TACC2: variants seen among roughly 807,000 people sequenced by gnomAD.
The protein encoded by TACC2 is transforming acidic coiled-coil-containing protein 2.
In TACC2, 137 loss-of-function variants were observed where a neutral mutation model predicts 227.3. That is an observed-to-expected ratio of 0.60 (90% CI 0.52 to 0.69). The LOEUF (loss-of-function observed/expected upper bound fraction) is 0.69, where lower values mean the gene tolerates loss of function less well. Among genes scored for constraint, TACC2 ranks in the 30% least tolerant of loss-of-function variants. The pLI is 0.00. For missense variants in TACC2, 3,470 were observed against 3,694.4 expected, an observed-to-expected ratio of 0.94 and a Z score of 1.57; for synonymous variants, 1,523 against 1,487.5, an observed-to-expected ratio of 1.02 and a Z score of -0.55.
rs555876319 is a variant in TACC2, at chr10:122,233,798, A to G, written c.8127+3358A>G. Among the ~76,000 whole-genome samples, 18 of 152,146 alleles carry G rather than the reference A, an allele frequency of 1.2e-4. No individual in the cohort carries two copies. The South Asian group carries it at 3.8e-3, about 32-fold the overall frequency. The stretch of plus-strand genomic sequence containing the variant: ...GAGGCTGTGTCTTGACTCGGTGGGC[A>G]GGAGCGGCTGGCTGTTGCCAGTGGT... On this transcript the variant is annotated intron_variant, in intron 16 of 22. Transcript: ENST00000369005.
rs147458352 is a variant in TACC2 at position 122,082,849 on chromosome 10, C to G, written c.349C>G (p.Pro117Ala). Residue 117 changes from proline (P) to alanine (A), a missense_variant, in exon 4 of 23, where the codon CCC (proline) becomes GCC (alanine). By Grantham distance (27) the Pro-to-Ala change is conservative. Around this residue, in one of 10 missense-constraint regions of TACC2, gnomAD observed 405 missense variants for 389.6 expected, o/e 1.04. Transcript: ENST00000369005. ...GTCCTCCATGCCCTTTGCCGAGTGTCCCCCGGAAGGTTGCTTGGCAAGTCC... is the reference window on the plus strand; with the variant it reads ...GTCCTCCATGCCCTTTGCCGAGTGTGCCCCGGAAGGTTGCTTGGCAAGTCC... The part of the protein sequence containing the change: ...PSSSMPFAEC[P>A]PEGCLASPAA... 1.5e-5 allele frequency: 24 copies of G among 1,613,430 alleles called. No homozygotes were observed. The African/African-American group carries it at 2.5e-4, about 17-fold the overall frequency.
At chr10:122,019,595 A>T (rs769956672) in intron 1 of TACC2, among the ~76,000 whole-genome samples, 3 of 152,230 alleles carry the variant, frequency 2.0e-5, no homozygotes, top group Non-Finnish European at 4.4e-5. Context: ...CTGATGTAAT[A>T]ACGGGGAAAA....
chr10:122,144,711 G>A (rs2091138904), intron 7 of TACC2, among the ~76,000 whole-genome samples: 1 of 152,198 alleles, frequency 6.6e-6, no homozygotes, highest in Non-Finnish European at 1.5e-5. Context: ...TAACAGTAGG[G>A]TGGGCCCAGA....
At chr10:122,089,208 A>G (rs960725682) in intron 5 of TACC2, among the ~76,000 whole-genome samples, 4 of 152,172 alleles carry the variant, frequency 2.6e-5, no homozygotes, top group African/African-American at 4.8e-5. Flanking sequence ...ACAGTGTGTA[A>G]CCATGGCTAC....
chr10:122,025,888 A>G (rs879580575), intron 2 of TACC2, among the ~76,000 whole-genome samples: 4 of 151,628 alleles, frequency 2.6e-5, no homozygotes, highest in African/African-American at 9.7e-5. Context: ...TATTATTATT[A>G]TTTTTTAAAG....
At chr10:122,012,418 C>CAAAAAAAAAAAAAA (rs752342348) in intron 1 of TACC2, among the ~76,000 whole-genome samples, 5 of 60,722 alleles carry the variant, frequency 8.2e-5, no homozygotes, top group Admixed American at 2.0e-4. Context: ...GACTCCGTCT[C>CAAAAAAAAAAAAAA]AAAAAAAAAA....
At chr10:122,140,274 C>T (rs890982911) in intron 6 of TACC2, among the ~76,000 whole-genome samples, 7 of 152,206 alleles carry the variant, frequency 4.6e-5, no homozygotes, top group East Asian at 3.8e-4. Context: ...CAGGAAAGAA[C>T]GCCTTGATCA....
chr10:122,117,255 C>T (rs976706142), intron 5 of TACC2, among the ~76,000 whole-genome samples: 6 of 144,670 alleles, frequency 4.1e-5, no homozygotes, highest in South Asian at 2.2e-4. Flanking sequence ...AGTGCAGTGG[C>T]GTGATCTCGG....
At chr10:122,114,584 T>C (rs2084298806) in intron 5 of TACC2, among the ~76,000 whole-genome samples, 1 of 152,172 alleles carries the variant, frequency 6.6e-6, no homozygotes, top group Admixed American at 6.5e-5. Flanking sequence ...AGGCTCTGCC[T>C]GGGACTAATT....
chr10:122,004,053 TGA>T (rs1343466859), intron 1 of TACC2, among the ~76,000 whole-genome samples: 6 of 151,748 alleles, frequency 4.0e-5, no homozygotes, highest in African/African-American at 1.2e-4. Flanking sequence ...AGAAAACTAA[TGA>T]AAGTTCACCA....
chr10:122,142,061 A>G (rs191222110), intron 6 of TACC2, among the ~76,000 whole-genome samples: 3 of 152,368 alleles, frequency 2.0e-5, no homozygotes, highest in African/African-American at 4.8e-5. Context: ...TAGTTTGACA[A>G]AGGAGGCCAG....
At chr10:122,183,639 A>C (rs891429498) in intron 7 of TACC2, among the ~76,000 whole-genome samples, 1 of 152,154 alleles carries the variant, frequency 6.6e-6, no homozygotes, top group Non-Finnish European at 1.5e-5. Context: ...TAGATGCAGA[A>C]ACTCTGCTGA....
Position 122,243,289 on chromosome 10 carries a change from C to T in TACC2, c.8392+1288C>T, listed in dbSNP as rs75200763. 0.01 allele frequency among the ~76,000 whole-genome samples: 1,586 copies of T among 152,248 alleles called. 113 individuals are homozygous for T. In the East Asian group the frequency reaches 0.2, roughly 19 times the overall value. On this transcript the variant is annotated intron_variant, in intron 19 of 22. Transcript: ENST00000369005. ...TCTAAGGATATATGGAGTAAAAACTCCAGGTCACTGCAGACCACGCTTTAT... is the reference window on the plus strand; with the variant it reads ...TCTAAGGATATATGGAGTAAAAACTTCAGGTCACTGCAGACCACGCTTTAT...
intron 7 of TACC2, among the ~76,000 whole-genome samples, chr10:122,156,126 C>T (rs144250806): frequency 4.9e-4 from 74 of 151,558 alleles, no homozygotes; most frequent in African/African-American, 1.4e-3. Context: ...TGTGAGCCAC[C>T]GTGCCTGGCC....
chr10:122,094,927 G>C (rs1489789435), intron 5 of TACC2, among the ~76,000 whole-genome samples: 2 of 152,174 alleles, frequency 1.3e-5, no homozygotes, highest in African/African-American at 2.4e-5. Context: ...GTTTGACCTG[G>C]GTTTGGGTTT....
chr10:122,208,818 C>T (rs996439568), intron 8 of TACC2, among the ~76,000 whole-genome samples: 1 of 152,328 alleles, frequency 6.6e-6, no homozygotes, highest in East Asian at 1.9e-4. Context: ...TCCGTTTACT[C>T]CTCATTCTGC....
intron 22 of TACC2, among the ~76,000 whole-genome samples, chr10:122,249,867 G>T (rs1351454546): frequency 6.6e-6 from 1 of 152,220 alleles, no homozygotes; most frequent in African/African-American, 2.4e-5. Context: ...ACCGTTCCTG[G>T]AACTGCAGCC....
Position 122,229,483 on chromosome 10 carries a change from C to A in TACC2, c.8034C>A (p.Leu2678=), listed in dbSNP as rs779289414. 3 of 1,613,908 alleles carry A rather than the reference C, an allele frequency of 1.9e-6. No homozygotes were observed. The African/African-American group carries it at 4.0e-5, about 22-fold the overall frequency. ...ACCCCCCACTATTCGCTCAGAAACT[C>A]CAGGTTTGTAGCCCACGTGTGACCT... is the stretch of plus-strand genomic sequence containing the variant. ...EKNPPLFAQK[L]QEELEFAIMR... is the part of the protein sequence containing the mutation. Residue 2678 remains leucine (L), a synonymous_variant, in exon 15 of 23, where the codon CTC becomes CTA. Transcript: ENST00000369005.
At chr10:122,018,026 G>A (rs546185605) in intron 1 of TACC2, among the ~76,000 whole-genome samples, 2 of 142,140 alleles carry the variant, frequency 1.4e-5, no homozygotes, top group East Asian at 4.1e-4. Flanking sequence ...AAAAAAAACA[G>A]GATACATGTG....
Sources: gnomAD v4.1 joint callset for allele counts (sites outside exome capture counted in the v4.1 genomes callset) on GRCh38, gnomAD v4.1.1 for gene constraint, gnomAD v4.1.1 regional missense constraint, MANE v1.5 for transcripts, NCBI Gene and HGNC (gene_info 2026-07-23, HGNC 2026-07-21) for gene names.